Variants in MALRD1 observed in about 807,000 individuals in gnomAD.
MALRD1 encodes MAM and LDL receptor class A domain containing 1, also known as MAM and LDL-receptor class A domain-containing protein 1.
A neutral mutation model predicts 242.1 loss-of-function variants in MALRD1; 247 were observed. The ratio of observed to expected loss-of-function variants is 1.02; its 90% CI spans 0.92 to 1.13. The LOEUF (loss-of-function observed/expected upper bound fraction) is 1.13, where lower values mean the gene tolerates loss of function less well. Among genes scored for constraint, MALRD1 ranks in the 50% most tolerant of loss-of-function variants. The pLI is 0.00. For missense variants in MALRD1, 2,989 were observed against 2,533.1 expected (o/e 1.18, Z -3.86); for synonymous variants, 995 against 866.6 (o/e 1.15, Z -2.60).
At chr10:19,461,734 C>T (rs925625756) in intron 29 of MALRD1, among the ~76,000 whole-genome samples, 2 of 151,986 alleles carry the variant, frequency 1.3e-5, no homozygotes, top group African/African-American at 2.4e-5. Flanking sequence ...GTCCCAGCTA[C>T]TTAGAAAGCC....
intron 14 of MALRD1, among the ~76,000 whole-genome samples, chr10:19,202,050 G>A (rs1836562768): frequency 1.3e-5 from 2 of 152,012 alleles, no homozygotes; most frequent in Non-Finnish European, 2.9e-5. Context: ...TCTTGACCTT[G>A]TGATCAGACT....
chr10:19,524,370 G>A (rs1386278562), intron 31 of MALRD1, among the ~76,000 whole-genome samples: 1 of 152,090 alleles, frequency 6.6e-6, no homozygotes, highest in African/African-American at 2.4e-5. Context: ...CCAGCTACTT[G>A]GGAGGCTGAG....
chr10:19,173,979 T>C (rs992875742), intron 13 of MALRD1, among the ~76,000 whole-genome samples: 5 of 151,870 alleles, frequency 3.3e-5, no homozygotes, highest in Admixed American at 2.6e-4. Context: ...AGAAAAAAAA[T>C]AACAAATTTA....
intron 38 of MALRD1, among the ~76,000 whole-genome samples, chr10:19,729,067 C>T (rs924967322): frequency 2.6e-5 from 4 of 152,078 alleles, no homozygotes; most frequent in African/African-American, 7.2e-5. Flanking sequence ...AAAATGTACC[C>T]GCGGTGAGGG....
At chr10:19,676,773 C>T (rs1236284428) in intron 36 of MALRD1, among the ~76,000 whole-genome samples, 2 of 152,092 alleles carry the variant, frequency 1.3e-5, no homozygotes, top group Non-Finnish European at 2.9e-5. Context: ...CAACCCATCA[C>T]CTGCGTATTA....
chr10:19,086,556 T>C (rs540813681), intron 2 of MALRD1, among the ~76,000 whole-genome samples: 1 of 152,204 alleles, frequency 6.6e-6, no homozygotes, highest in East Asian at 1.9e-4. Flanking sequence ...GCAGTGCATT[T>C]GAAAGCATCT....
intron 29 of MALRD1, among the ~76,000 whole-genome samples, chr10:19,479,093 A>G (rs1027196398): frequency 6.6e-6 from 1 of 152,224 alleles, no homozygotes; most frequent in Non-Finnish European, 1.5e-5. Context: ...TCCATGAAAT[A>G]CTATTTGATC....
At chr10:19,707,387 G>T (rs2131862200) in intron 38 of MALRD1, among the ~76,000 whole-genome samples, 1 of 152,318 alleles carries the variant, frequency 6.6e-6, no homozygotes, top group African/African-American at 2.4e-5. Context: ...ATTTAAGTAT[G>T]TCAGCTGGTT....
intron 32 of MALRD1, among the ~76,000 whole-genome samples, chr10:19,556,669 C>T (rs1835732341): frequency 6.6e-6 from 1 of 152,126 alleles, no homozygotes; most frequent in African/African-American, 2.4e-5. Flanking sequence ...AGTTCAAAGA[C>T]ATGTTAGTTG....
chr10:19,234,911 G>A (rs191005161), intron 18 of MALRD1, among the ~76,000 whole-genome samples: 1 of 152,258 alleles, frequency 6.6e-6, no homozygotes, highest in Admixed American at 6.5e-5. Flanking sequence ...GTAGGAGATG[G>A]CCCATGTTGA....
chr10:19,359,811 T>G (rs113694866), intron 26 of MALRD1, among the ~76,000 whole-genome samples: 25 of 151,916 alleles, frequency 1.6e-4, no homozygotes, highest in Admixed American at 7.9e-4. Context: ...AGGGATTCAC[T>G]ACCAAGTTTA....
intron 22 of MALRD1, among the ~76,000 whole-genome samples, chr10:19,325,453 A>G (rs1016065061): frequency 2.6e-5 from 4 of 151,492 alleles, no homozygotes; most frequent in Non-Finnish European, 5.9e-5. Context: ...TATACAGGCC[A>G]GAGAAGAGTT....
intron 28 of MALRD1, among the ~76,000 whole-genome samples, chr10:19,423,012 A>C (rs1201703354): frequency 6.6e-6 from 1 of 152,156 alleles, no homozygotes; most frequent in African/African-American, 2.4e-5. Context: ...TGCAGTGCTC[A>C]CCATAGATTT....
rs546301444 is a variant in MALRD1, at chr10:19,238,968, G to A, written c.2992-18716G>A. Among the ~76,000 whole-genome samples the A allele has an allele frequency of 2.6e-5, 4 of 151,714 alleles. No individual in the cohort carries two copies. In the East Asian group the frequency reaches 7.8e-4, roughly 29 times the overall value. ...TGGTTTTGATTTGCATTTCCCTGATGGTTAGTGATGTTGAACATGATTTTA... is the reference window on the plus strand; with the variant it reads ...TGGTTTTGATTTGCATTTCCCTGATAGTTAGTGATGTTGAACATGATTTTA... On this transcript the variant is annotated intron_variant, in intron 18 of 39. Coordinates refer to ENST00000454679, the MANE Select transcript of MALRD1 (RefSeq NM_001142308.3).
At chr10:19,688,208 C>T (rs1331893852) in intron 36 of MALRD1, among the ~76,000 whole-genome samples, 1 of 152,108 alleles carries the variant, frequency 6.6e-6, no homozygotes, top group Admixed American at 6.6e-5. Flanking sequence ...TGATCTCAGA[C>T]GATGTGCCCG....
intron 32 of MALRD1, among the ~76,000 whole-genome samples, chr10:19,555,345 G>A (rs1023802456): frequency 6.6e-6 from 1 of 152,138 alleles, no homozygotes; most frequent in African/African-American, 2.4e-5. Flanking sequence ...CAAAAGTAAA[G>A]TAGCGTAGGA....
chr10:19,476,775 A>G (rs10734018), intron 29 of MALRD1, among the ~76,000 whole-genome samples: 131,201 of 152,218 alleles, frequency 0.86, 56,708 homozygotes, highest in East Asian at 1. Flanking sequence ...CAACACTCTA[A>G]TTATGTTTTT....
At chr10:19,675,685 C>T (rs951501833) in intron 36 of MALRD1, among the ~76,000 whole-genome samples, 5 of 152,054 alleles carry the variant, frequency 3.3e-5, no homozygotes, top group African/African-American at 9.7e-5. Context: ...CTTTGTTAAC[C>T]GTAACATGTT....
chr10:19,215,597 C>T (rs963955176), intron 18 of MALRD1, among the ~76,000 whole-genome samples: 1 of 152,130 alleles, frequency 6.6e-6, no homozygotes, highest in African/African-American at 2.4e-5. Context: ...TCATCATAAT[C>T]TAATGTTTGT....
Sources: allele counts gnomAD v4.1 joint callset (sites outside exome capture counted in the v4.1 genomes callset), GRCh38; gene constraint gnomAD v4.1.1; transcripts MANE v1.5; gene names NCBI Gene and HGNC (gene_info 2026-07-23, HGNC 2026-07-21).